Variants in RERE observed in about 807,000 individuals in gnomAD.
RERE encodes arginine-glutamic acid dipeptide repeats.
A neutral mutation model predicts 146.1 loss-of-function variants in RERE; 40 were observed. The ratio of observed to expected loss-of-function variants is 0.27; its 90% CI spans 0.21 to 0.36. The LOEUF is 0.36. Ranked by LOEUF, RERE falls within the 10% of genes least tolerant of loss-of-function variation. The probability of loss-of-function intolerance (pLI) is 1.00; values close to 1 mark genes in which losing one functional copy is unlikely to be tolerated. For missense variants in RERE, 1,933 were observed against 2,138.7 expected (o/e 0.90, Z 1.90); for synonymous variants, 1,003 against 866.0 (o/e 1.16, Z -2.78).
intron 8 of RERE, among the ~76,000 whole-genome samples, chr1:8,503,959 T>C (rs1483975181): frequency 6.6e-6 from 1 of 152,120 alleles, no homozygotes; most frequent in Non-Finnish European, 1.5e-5. Context: ...AAAATGGGAT[T>C]TGAGTCACGG....
chr1:8,431,140 G>A (rs1557628910), intron 11 of RERE, among the ~76,000 whole-genome samples: 1 of 152,082 alleles, frequency 6.6e-6, no homozygotes. Flanking sequence ...AGTCCCCAGG[G>A]TACAAACCAC....
chr1:8,675,738 T>TATACATACATACATAC (rs59265268), intron 1 of RERE, among the ~76,000 whole-genome samples: 191 of 147,892 alleles, frequency 1.3e-3, no homozygotes, highest in African/African-American at 3.0e-3. Context: ...TACATACATA[T>TATACATACATACATAC]ATACATACAT....
chr1:8,564,832 A>ATGTGTGTGTGTGTG (rs567556868), intron 4 of RERE, among the ~76,000 whole-genome samples: 4 of 139,010 alleles, frequency 2.9e-5, no homozygotes, highest in African/African-American at 1.1e-4. Context: ...GTATATGTGT[A>ATGTGTGTGTGTGTG]TGTGTGTGTG....
chr1:8,748,323 G>A (rs893441790), intron 1 of RERE, among the ~76,000 whole-genome samples: 1 of 152,136 alleles, frequency 6.6e-6, no homozygotes, highest in Non-Finnish European at 1.5e-5. Context: ...AATTATCTTA[G>A]ACTCTTCTCT....
At chr1:8,363,951 C>G (rs1463478003) in intron 15 of RERE, 105 bp downstream of exon 15, 1 of 1,054,274 alleles carries the variant, frequency 9.5e-7, no homozygotes, top group South Asian at 1.4e-5. Context: ...AGGACTTTGT[C>G]TGGTAAACAA....
At chr1:8,588,272 G>A (rs543098667) in intron 4 of RERE, among the ~76,000 whole-genome samples, 1 of 152,294 alleles carries the variant, frequency 6.6e-6, no homozygotes, top group East Asian at 1.9e-4. Context: ...GTAAATCATT[G>A]AAAACTCTCA....
At chr1:8,582,434 G>T (rs1283504695) in intron 4 of RERE, among the ~76,000 whole-genome samples, 2 of 149,314 alleles carry the variant, frequency 1.3e-5, no homozygotes. Context: ...TTTTTGGGGG[G>T]TAGAGACAGG....
intron 12 of RERE, among the ~76,000 whole-genome samples, chr1:8,381,917 TG>T (rs1389481154): frequency 6.6e-6 from 1 of 152,264 alleles, no homozygotes; most frequent in East Asian, 1.9e-4. Flanking sequence ...AGCTGCACTG[TG>T]GTCCAATGAC....
At chr1:8,807,714 T>A (rs1641716933) in intron 1 of RERE, among the ~76,000 whole-genome samples, 1 of 152,152 alleles carries the variant, frequency 6.6e-6, no homozygotes, top group African/African-American at 2.4e-5. Context: ...GTCACATACA[T>A]GTAAGAGTTT....
intron 2 of RERE, among the ~76,000 whole-genome samples, chr1:8,653,626 C>A (rs1647752767): frequency 7.2e-6 from 1 of 138,664 alleles, no homozygotes; most frequent in East Asian, 2.3e-4. Flanking sequence ...ACCCGGGAGG[C>A]GGAGCTTGCA....
At chr1:8,602,433 C>T (rs532489848) in intron 4 of RERE, among the ~76,000 whole-genome samples, 6 of 149,704 alleles carry the variant, frequency 4.0e-5, no homozygotes, top group East Asian at 3.9e-4. Flanking sequence ...AACAGCCTCA[C>T]GCTATGTTCA....
At chr1:8,715,758 G>T (rs1264185208) in intron 1 of RERE, among the ~76,000 whole-genome samples, 1 of 151,972 alleles carries the variant, frequency 6.6e-6, no homozygotes, top group Non-Finnish European at 1.5e-5. Context: ...ACAAAAATTA[G>T]CCAGGTGTAG....
chr1:8,730,290 C>A (rs1640053864), intron 1 of RERE, among the ~76,000 whole-genome samples: 2 of 152,314 alleles, frequency 1.3e-5, no homozygotes, highest in Non-Finnish European at 1.5e-5. Flanking sequence ...GGTTTTGACT[C>A]TCCCTGTAAC....
intron 3 of RERE, among the ~76,000 whole-genome samples, chr1:8,617,665 T>C (rs1018795108): frequency 1.1e-4 from 16 of 152,204 alleles, no homozygotes; most frequent in Non-Finnish European, 1.9e-4. Flanking sequence ...AAACAACTGA[T>C]GTGTCACACA....
intron 4 of RERE, among the ~76,000 whole-genome samples, chr1:8,562,748 A>G (rs764455849): frequency 1.2e-4 from 19 of 152,122 alleles, no homozygotes; most frequent in Non-Finnish European, 2.2e-4. Flanking sequence ...CTCTGGGCAA[A>G]AAAAAGGGGA....
At chr1:8,668,925 T>C (rs1475932363) in intron 1 of RERE, among the ~76,000 whole-genome samples, 1 of 22,088 alleles carries the variant, frequency 4.5e-5, no homozygotes, top group Non-Finnish European at 8.0e-5. Context: ...CACTAAACTC[T>C]GTGTGTGTGT....
At chr1:8,774,904 T>A (rs2124551680) in intron 1 of RERE, among the ~76,000 whole-genome samples, 1 of 151,072 alleles carries the variant, frequency 6.6e-6, no homozygotes, top group South Asian at 2.1e-4. Flanking sequence ...TTAAATCATG[T>A]GAAAAGCCCC....
chr1:8,552,334 T>C (rs537001488), intron 6 of RERE, among the ~76,000 whole-genome samples: 2 of 152,362 alleles, frequency 1.3e-5, no homozygotes, highest in Admixed American at 1.3e-4. Flanking sequence ...TCAGAGTTAC[T>C]GTGACCGGAT....
chr1:8,591,748 C>G (rs1646496789), intron 4 of RERE, among the ~76,000 whole-genome samples: 1 of 152,226 alleles, frequency 6.6e-6, no homozygotes, highest in Non-Finnish European at 1.5e-5. Context: ...TTAGCATTAT[C>G]AACTGACAGG....
Sources: gnomAD v4.1 joint callset for allele counts (sites outside exome capture counted in the v4.1 genomes callset) on GRCh38, gnomAD v4.1.1 for gene constraint, MANE v1.5 for transcripts, NCBI Gene and HGNC (gene_info 2026-07-23, HGNC 2026-07-21) for gene names.